ARID4A: variants seen among roughly 807,000 people sequenced by gnomAD.
The protein encoded by ARID4A is AT-rich interactive domain-containing protein 4A.
Under a neutral mutation model 148.6 loss-of-function variants are expected in ARID4A, and 39 were observed. The observed-to-expected ratio is 0.26, with a 90% CI of 0.20 to 0.34. The LOEUF (loss-of-function observed/expected upper bound fraction) is 0.34, where lower values mean the gene tolerates loss of function less well. Among genes scored for constraint, ARID4A ranks in the 10% least tolerant of loss-of-function variants. ARID4A has a pLI of 1.00. For missense variants in ARID4A, 1,265 were observed against 1,449.1 expected, an observed-to-expected ratio of 0.87 and a Z score of 2.06; for synonymous variants, 475 against 481.2, an observed-to-expected ratio of 0.99 and a Z score of 0.17.
chr14:58,298,964 A>G (rs1362689658), intron 1 of ARID4A, among the ~76,000 whole-genome samples: 1 of 152,086 alleles, frequency 6.6e-6, no homozygotes, highest in Admixed American at 6.5e-5. Flanking sequence ...CCGCGCCGCT[A>G]AGTTTGCTTC....
intron 11 of ARID4A, among the ~76,000 whole-genome samples, chr14:58,336,853 A>G (rs547284593): frequency 1.3e-5 from 2 of 151,928 alleles, no homozygotes; most frequent in Non-Finnish European, 2.9e-5. Context: ...ACCTTATCCC[A>G]TAGTTTCTCC....
intron 3 of ARID4A, among the ~76,000 whole-genome samples, chr14:58,304,018 C>T (rs1266807694): frequency 2.7e-5 from 4 of 149,114 alleles, no homozygotes; most frequent in East Asian, 2.0e-4. Context: ...GGCTGAGGCA[C>T]GAGAATTGCT....
intron 18 of ARID4A, among the ~76,000 whole-genome samples, chr14:58,360,548 G>T (rs1009263314): frequency 3.3e-5 from 5 of 152,158 alleles, no homozygotes; most frequent in Admixed American, 2.6e-4. Context: ...GGGATAGTAG[G>T]GAACAGCGGG....
At chr14:58,350,837 T>C (rs2034605744) in intron 15 of ARID4A, among the ~76,000 whole-genome samples, 1 of 152,158 alleles carries the variant, frequency 6.6e-6, no homozygotes, top group African/African-American at 2.4e-5. Context: ...TTCAAACAGA[T>C]TCTGACAGAT....
intron 11 of ARID4A, among the ~76,000 whole-genome samples, chr14:58,331,994 T>TGC (rs1566691172): frequency 2.8e-5 from 1 of 35,260 alleles, no homozygotes. Flanking sequence ...GCATTTTCCC[T>TGC]ACCCCCCCCC....
At chr14:58,307,611 A>C (rs1214778226) in intron 5 of ARID4A, among the ~76,000 whole-genome samples, 1 of 152,152 alleles carries the variant, frequency 6.6e-6, no homozygotes, top group African/African-American at 2.4e-5. Context: ...CCTGAGGTCA[A>C]GAGTTCAAGA....
chr14:58,365,481 T>C (rs2035319925), intron 20 of ARID4A, 37 bp from the exon 21 acceptor site: 2 of 1,213,106 alleles, frequency 1.6e-6, no homozygotes, highest in Admixed American at 5.8e-5. Context: ...TTTTTTTTTT[T>C]TTTTTTTTCA....
intron 7 of ARID4A, among the ~76,000 whole-genome samples, chr14:58,321,172 A>G (rs968156080): frequency 1.3e-5 from 2 of 152,226 alleles, no homozygotes; most frequent in Non-Finnish European, 2.9e-5. Flanking sequence ...ATCTGTGTGG[A>G]GATACTTTGA....
chr14:58,339,599 T>C (rs1446110262), intron 11 of ARID4A, among the ~76,000 whole-genome samples: 4 of 152,156 alleles, frequency 2.6e-5, no homozygotes, highest in Non-Finnish European at 5.9e-5. Context: ...CTAGAGTTGC[T>C]AGCTAAGAAA....
At chr14:58,341,458 G>C (rs533761285) in intron 11 of ARID4A, among the ~76,000 whole-genome samples, 2 of 152,132 alleles carry the variant, frequency 1.3e-5, no homozygotes, top group African/African-American at 4.8e-5. Flanking sequence ...AGTTCATCTC[G>C]AGGAAAACCA....
chr14:58,364,716 A>G lies in ARID4A; in HGVS notation c.2627A>G (p.Glu876Gly). The change falls in exon 20 of 24, where the codon GAA becomes GGA. Residue 876 changes from glutamate to glycine, a missense_variant. Around this residue, in one of 9 missense-constraint regions of ARID4A, gnomAD observed 666 missense variants for 730.9 expected, o/e 0.91. Coordinates refer to ENST00000355431, the MANE Select transcript of ARID4A (RefSeq NM_002892.4). ...AAAATAAGAATTGAGAATGGAATGGAAATGACAAATACTGTATCTCAAGAA... is the reference window on the plus strand; with the variant it reads ...AAAATAAGAATTGAGAATGGAATGGGAATGACAAATACTGTATCTCAAGAA... ...EKKIRIENGM[E>G]MTNTVSQERT... is the part of the protein sequence containing the mutation. 6.2e-7 allele frequency: 1 copy of G among 1,613,964 alleles called. No individual in the cohort carries two copies. The highest frequency in any genetic ancestry group is 8.5e-7 in the Non-Finnish European group (1 of 1,179,966).
At chr14:58,359,519 T>C (rs986905039) in intron 18 of ARID4A, among the ~76,000 whole-genome samples, 1 of 152,136 alleles carries the variant, frequency 6.6e-6, no homozygotes, top group African/African-American at 2.4e-5. Flanking sequence ...TTTTGACAAA[T>C]ATATAATGAC....
intron 7 of ARID4A, among the ~76,000 whole-genome samples, chr14:58,319,634 C>T (rs2140166234): frequency 7.6e-6 from 1 of 131,976 alleles, no homozygotes; most frequent in Non-Finnish European, 1.5e-5. Context: ...CAACTTTTGC[C>T]TCCCAGGTTC....
At chr14:58,341,540 G>T (rs964335250) in intron 11 of ARID4A, among the ~76,000 whole-genome samples, 9 of 152,122 alleles carry the variant, frequency 5.9e-5, no homozygotes, top group Admixed American at 5.2e-4. Context: ...TGTTATATTG[G>T]CTTCTTTTAC....
At chr14:58,317,280 CTTCTT>C (rs1047079980) in intron 5 of ARID4A, among the ~76,000 whole-genome samples, 2 of 145,220 alleles carry the variant, frequency 1.4e-5, no homozygotes, top group Non-Finnish European at 3.0e-5. Flanking sequence ...TTCTTTCTTT[CTTCTT>C]TTTTATTTTT....
chr14:58,316,642 G>A lies in ARID4A; in HGVS notation c.275-1900G>A, dbSNP rs543591362. Among the ~76,000 whole-genome samples, 35 of 152,116 alleles carry A rather than the reference G, an allele frequency of 2.3e-4. 2 individuals are homozygous for A. The South Asian group carries it at 5.0e-3, about 22-fold the overall frequency. On this transcript the variant is annotated intron_variant, in intron 5 of 23. Transcript: ENST00000355431. ...GTTGTCCAGGCTGGAGTGCAATGGCGCAATCTCTGCTCACTGCAACCTCTG... is the reference window on the plus strand; with the variant it reads ...GTTGTCCAGGCTGGAGTGCAATGGCACAATCTCTGCTCACTGCAACCTCTG...
rs1322829485 is a variant in ARID4A at position 58,364,945 on chromosome 14, C to A, written c.2856C>A (p.Ile952=). Residue 952 remains isoleucine, a synonymous_variant, in exon 20 of 24, where the codon ATC becomes ATA. Coordinates refer to ENST00000355431, the MANE Select transcript of ARID4A (RefSeq NM_002892.4). ...LKEDEDAMPL[I]GPETLVCHEV... ...AAGATGAGGATGCAATGCCTCTGATCGGGCCTGAAACCTTGGTTTGCCATG... is the reference window on the plus strand; with the variant it reads ...AAGATGAGGATGCAATGCCTCTGATAGGGCCTGAAACCTTGGTTTGCCATG... 6.2e-7 allele frequency: 1 copy of A among 1,614,094 alleles called. No individual in the cohort carries two copies. Among genetic ancestry groups the A allele is most frequent in the Non-Finnish European group, 8.5e-7 (1 of 1,179,998 alleles).
intron 19 of ARID4A, among the ~76,000 whole-genome samples, chr14:58,363,476 G>A (rs895659508): frequency 2.0e-5 from 3 of 152,220 alleles, no homozygotes; most frequent in Admixed American, 6.5e-5. Flanking sequence ...GAGGTGGGCG[G>A]ATCACTTGAG....
chr14:58,332,744 C>A (rs866364060), intron 11 of ARID4A, among the ~76,000 whole-genome samples: 30 of 152,240 alleles, frequency 2.0e-4, no homozygotes, highest in South Asian at 1.4e-3. Context: ...TATTACATTA[C>A]AGATCAGAGT....
Sources: allele counts gnomAD v4.1 joint callset (sites outside exome capture counted in the v4.1 genomes callset), GRCh38; gene constraint gnomAD v4.1.1; regional missense constraint gnomAD v4.1.1; transcripts MANE v1.5; gene names NCBI Gene and HGNC (gene_info 2026-07-23, HGNC 2026-07-21).